Variants in ROBO2 observed in about 807,000 individuals in gnomAD.
ROBO2 encodes roundabout guidance receptor 2, also known as roundabout homolog 2.
Under a neutral mutation model 160.8 loss-of-function variants are expected in ROBO2, and 53 were observed. That is an observed-to-expected ratio of 0.33 (90% CI 0.26 to 0.41). The LOEUF is 0.41. Among genes scored for constraint, ROBO2 ranks in the 10% least tolerant of loss-of-function variants. The pLI, the probability that ROBO2 is intolerant of heterozygous loss-of-function variation, is 1.00. For missense variants in ROBO2, 1,577 were observed against 1,722.4 expected, an observed-to-expected ratio of 0.92 and a Z score of 1.49; for synonymous variants, 664 against 611.7, an observed-to-expected ratio of 1.09 and a Z score of -1.26.
chr3:76,781,266 T>A (rs1329635815), intron 2 of ROBO2, among the ~76,000 whole-genome samples: 1 of 150,692 alleles, frequency 6.6e-6, no homozygotes, highest in Non-Finnish European at 1.5e-5. Flanking sequence ...TGCATTTGTA[T>A]CCCAAAACTT....
rs375237704 is a variant in ROBO2, at chr3:76,722,878, T to C, written c.110-375136T>C. Among the ~76,000 whole-genome samples the C allele has an allele frequency of 7.2e-5, 11 of 152,376 alleles. No homozygotes were observed. The East Asian group carries it at 1.3e-3, about 19-fold the overall frequency. On this transcript the variant is annotated intron_variant, in intron 2 of 26. Coordinates refer to the ROBO2 transcript ENST00000487694. ...GGCATTGGATTGCTTCCAACTTTTG[T>C]CTACGATTAATAAAGCTGCTATGAA...
rs553041989 is a variant in ROBO2, at chr3:76,948,626, A to T, written c.110-149388A>T. Among the ~76,000 whole-genome samples the T allele has an allele frequency of 5.2e-5, 6 of 115,426 alleles. No homozygotes were observed. The Admixed American group carries it at 6.6e-4, about 13-fold the overall frequency. The allele number at this position is 115,426 out of a possible 152,430, so 75.7% of individuals were successfully genotyped here. A position where few individuals can be genotyped will look rare whatever the true frequency, so the allele number is the denominator to read the frequency against. ...TTTGGAGACGGAGTCTCACCCTGTC[A>T]CCCAGGCTGGATTTTGTGACTTCCC... On this transcript the variant is annotated intron_variant, in intron 2 of 26. Coordinates refer to the ROBO2 transcript ENST00000487694.
At chr3:76,263,078 A>G (rs1301393608) in intron 2 of ROBO2, among the ~76,000 whole-genome samples, 2 of 152,122 alleles carry the variant, frequency 1.3e-5, no homozygotes, top group Non-Finnish European at 2.9e-5. Context: ...ATTGTATTTC[A>G]ATCATCCATG....
At chr3:75,984,190 T>A (rs2065351109) in intron 2 of ROBO2, among the ~76,000 whole-genome samples, 1 of 151,526 alleles carries the variant, frequency 6.6e-6, no homozygotes, top group African/African-American at 2.4e-5. Context: ...AAGAATACAG[T>A]TCACTGTCAA....
intron 2 of ROBO2, among the ~76,000 whole-genome samples, chr3:76,943,916 T>G (rs112462949): frequency 0.034 from 5,243 of 152,272 alleles, 283 homozygotes; most frequent in African/African-American, 0.12. Context: ...GAAGCTATGG[T>G]AATGTGACTA....
chr3:76,903,913 A>G (rs1310362911), intron 2 of ROBO2, among the ~76,000 whole-genome samples: 1 of 151,372 alleles, frequency 6.6e-6, no homozygotes, highest in African/African-American at 2.4e-5. Flanking sequence ...ATAAGAGGCA[A>G]AGGGACTTGT....
chr3:76,109,811 T>A (rs2070136716), intron 2 of ROBO2, among the ~76,000 whole-genome samples: 1 of 151,864 alleles, frequency 6.6e-6, no homozygotes. Flanking sequence ...TCATCCCTCA[T>A]CCCTCTCCCA....
chr3:77,163,795 A>G (rs1186780904), intron 2 of ROBO2, among the ~76,000 whole-genome samples: 2 of 152,188 alleles, frequency 1.3e-5, no homozygotes, highest in South Asian at 4.1e-4. Context: ...CTTTGAACTG[A>G]ATATCTTACT....
chr3:76,060,182 G>C (rs568562133), intron 2 of ROBO2, among the ~76,000 whole-genome samples: 4 of 151,798 alleles, frequency 2.6e-5, no homozygotes, highest in African/African-American at 9.7e-5. Context: ...TCATTTCCAT[G>C]CTCTTATAAT....
chr3:77,001,541 G>C (rs991861148), intron 2 of ROBO2, among the ~76,000 whole-genome samples: 2 of 152,002 alleles, frequency 1.3e-5, no homozygotes, highest in African/African-American at 4.8e-5. Flanking sequence ...TGAACAGGGG[G>C]GTTTGAGAGG....
intron 2 of ROBO2, among the ~76,000 whole-genome samples, chr3:77,406,639 G>T (rs2076276124): frequency 6.6e-6 from 1 of 151,862 alleles, no homozygotes; most frequent in Admixed American, 6.6e-5. Flanking sequence ...TTTTTCCCAA[G>T]ATATTAAAAT....
intron 2 of ROBO2, among the ~76,000 whole-genome samples, chr3:76,520,773 G>GACAAAACAAAACAAA (rs536538735): frequency 6.6e-6 from 1 of 151,900 alleles, no homozygotes; most frequent in African/African-American, 2.4e-5. Flanking sequence ...TCCACATCTT[G>GACAAAACAAAACAAA]ACAAAACAAA....
chr3:76,070,360 T>A lies in ROBO2; in HGVS notation c.109+132758T>A, dbSNP rs6776915. Among the ~76,000 whole-genome samples the A allele has an allele frequency of 2.0e-5, 3 of 152,048 alleles. No homozygotes were observed. The South Asian group carries it at 6.2e-4, about 32-fold the overall frequency. ...CCGCTGGGCGTGGTCATCTCTTATG[T>A]TCGACATTGCAGAGATGAAATGGAC... On this transcript the variant is annotated intron_variant, in intron 2 of 26. Transcript: ENST00000487694.
chr3:76,381,792 T>C (rs2076637693), intron 2 of ROBO2, among the ~76,000 whole-genome samples: 3 of 152,312 alleles, frequency 2.0e-5, no homozygotes, highest in Admixed American at 1.3e-4. Flanking sequence ...GGTAGGAGAA[T>C]TGAGACAGAG....
intron 2 of ROBO2, among the ~76,000 whole-genome samples, chr3:77,205,426 C>G (rs922649801): frequency 1.3e-5 from 2 of 152,002 alleles, no homozygotes; most frequent in Non-Finnish European, 2.9e-5. Flanking sequence ...CCGTGCCGTT[C>G]TGCTGTTCAT....
intron 2 of ROBO2, among the ~76,000 whole-genome samples, chr3:76,679,148 A>T (rs1353552394): frequency 6.6e-6 from 1 of 152,020 alleles, no homozygotes; most frequent in Non-Finnish European, 1.5e-5. Flanking sequence ...TCCACATAAT[A>T]CTTTTAGCTT....
chr3:77,575,674 G>A (rs1415827778), intron 14 of ROBO2, among the ~76,000 whole-genome samples: 1 of 152,050 alleles, frequency 6.6e-6, no homozygotes, highest in African/African-American at 2.4e-5. Context: ...ATGTTGAAAA[G>A]TTGCCAGTAA....
intron 2 of ROBO2, among the ~76,000 whole-genome samples, chr3:76,500,990 T>C (rs2080433108): frequency 6.6e-6 from 1 of 152,066 alleles, no homozygotes; most frequent in Non-Finnish European, 1.5e-5. Context: ...CTTGACACTG[T>C]AGGGAGGGCT....
chr3:76,747,703 C>T (rs185603941), intron 2 of ROBO2, among the ~76,000 whole-genome samples: 227 of 151,818 alleles, frequency 1.5e-3, no homozygotes, highest in African/African-American at 5.4e-3. Flanking sequence ...TGAGCTAAAA[C>T]ATGACTAAAT....
Sources: gnomAD v4.1 joint callset for allele counts (sites outside exome capture counted in the v4.1 genomes callset) on GRCh38, gnomAD v4.1.1 for gene constraint, MANE v1.5 for transcripts, NCBI Gene and HGNC (gene_info 2026-07-23, HGNC 2026-07-21) for gene names.